SLC44A2: variants seen among roughly 807,000 people sequenced by gnomAD.
SLC44A2 encodes the protein solute carrier family 44 member 2 (CTL2 blood group).
A neutral mutation model predicts 90.8 loss-of-function variants in SLC44A2; 57 were observed. That is an observed-to-expected ratio of 0.63 (90% CI 0.51 to 0.78). The LOEUF (loss-of-function observed/expected upper bound fraction) is 0.78, where lower values mean the gene tolerates loss of function less well. SLC44A2 is among the 30% of genes least tolerant of loss of function. SLC44A2 has a pLI of 0.00. For synonymous variants in SLC44A2, 355 were observed against 360.7 expected, an observed-to-expected ratio of 0.98 and a Z score of 0.18; for missense variants, 794 against 919.7, an observed-to-expected ratio of 0.86 and a Z score of 1.77.
chr19:10,643,009 C>T (rs779654596), intron 21 of SLC44A2: 72 of 1,558,450 alleles, frequency 4.6e-5, no homozygotes, highest in South Asian at 9.3e-5. Flanking sequence ...GGGCAGAAGC[C>T]GAGGAGTAGA....
intron 1 of SLC44A2, among the ~76,000 whole-genome samples, chr19:10,606,117 G>A (rs1435548573): frequency 2.0e-5 from 3 of 151,966 alleles, no homozygotes; most frequent in Non-Finnish European, 2.9e-5. Context: ...GGGCAATATA[G>A]TGAGACCCTG....
At chr19:10,611,202 A>G (rs1271982715) in intron 1 of SLC44A2, among the ~76,000 whole-genome samples, 1 of 151,930 alleles carries the variant, frequency 6.6e-6, no homozygotes, top group Non-Finnish European at 1.5e-5. Context: ...CTGTAATCCC[A>G]GCACTTTGTG....
At chr19:10,637,041 C>T (rs1303398658) in intron 16 of SLC44A2, 4 of 396,626 alleles carry the variant, frequency 1.0e-5, no homozygotes, top group Admixed American at 8.2e-5. Context: ...TATATATTTG[C>T]GCTGAAGAGA....
In SLC44A2 at chr19:10,635,457, T is replaced by C. The variant is rs753221090; in HGVS notation, c.1175T>C (p.Val392Ala). 1 of 1,614,006 alleles carries C rather than the reference T, an allele frequency of 6.2e-7. No individual in the cohort carries two copies. The highest frequency in any genetic ancestry group is 1.7e-5 in the Admixed American group (1 of 59,968). ...AVFLSTSNEAVYKIFDDSPCP... is the reference protein window; with the variant it reads ...AVFLSTSNEAAYKIFDDSPCP... ...TTCCTGTCCACTTCCAACGAAGCGG[T>C]CTATAAGATCTTTGATGACAGCCCC... The change falls in exon 14 of 22, where the codon GTC becomes GCC. Residue 392 changes from valine (V) to alanine (A), a missense_variant. By Grantham distance (64) the Val-to-Ala change is moderately conservative. Around this residue, in one of 3 missense-constraint regions of SLC44A2, gnomAD observed 738 missense variants for 841.1 expected, o/e 0.88. Transcript: ENST00000335757.
chr19:10,615,909 GATCCC>G (rs1481904008), intron 1 of SLC44A2, among the ~76,000 whole-genome samples: 1 of 151,828 alleles, frequency 6.6e-6, no homozygotes, highest in East Asian at 1.9e-4. Context: ...TCACACCTGT[GATCCC>G]AGCACTTTGG....
chr19:10,619,094 C>G (rs917237795), intron 1 of SLC44A2, among the ~76,000 whole-genome samples: 5 of 151,180 alleles, frequency 3.3e-5, no homozygotes, highest in Non-Finnish European at 5.9e-5. Context: ...CCCTAGGCTT[C>G]CCCAGTAGCT....
intron 1 of SLC44A2, among the ~76,000 whole-genome samples, chr19:10,611,010 T>G (rs1918286297): frequency 6.6e-6 from 1 of 151,966 alleles, no homozygotes; most frequent in Admixed American, 6.6e-5. Flanking sequence ...TATTTTTAAT[T>G]TAAAAAAAAA....
At position 10,638,802 on chromosome 19, in the gene SLC44A2, CT is replaced by C. The variant is rs769937779; in HGVS notation, c.1929+501del. ...GGCACCTGCCACCACACCTGGCTAA[CT>C]TTTTTTTTTTTTTGAGATGGAGTTT... On this transcript the variant is annotated intron_variant, in intron 20 of 21. Transcript: ENST00000335757. 2.6e-3 allele frequency among the ~76,000 whole-genome samples: 351 copies of C among 136,444 alleles called. 2 individuals carry two copies. Among genetic ancestry groups the C allele is most frequent in the Middle Eastern group, 4.3e-3 (1 of 232 alleles). The allele number at this position is 136,444 out of a possible 152,430, so 89.5% of individuals were successfully genotyped here. A position where few individuals can be genotyped will look rare whatever the true frequency, so the allele number is the denominator to read the frequency against.
intron 21 of SLC44A2, among the ~76,000 whole-genome samples, chr19:10,642,696 G>A (rs571760950): frequency 1.7e-4 from 26 of 152,244 alleles, no homozygotes; most frequent in African/African-American, 5.3e-4. Context: ...CCCGCGCTTC[G>A]CAGTTTCTGG....
chr19:10,607,192 C>T (rs1392943333), intron 1 of SLC44A2, among the ~76,000 whole-genome samples: 1 of 152,012 alleles, frequency 6.6e-6, no homozygotes, highest in Non-Finnish European at 1.5e-5. Context: ...AGATTACAGG[C>T]GTGAGCCACC....
In SLC44A2 at chr19:10,627,743, C is replaced by T. The variant is rs1295004264; in HGVS notation, c.108C>T (p.Cys36=). ...IYNRGCTDII[C]CVFLLLAIVG... ...CCAGGGGCTGCACGGATATCATATG[C>T]TGTGTGTTCCTGCTCCTGGCCATTG... Residue 36 remains cysteine, a synonymous_variant, in exon 3 of 22, where the codon TGC becomes TGT. Coordinates refer to ENST00000335757, the MANE Select transcript of SLC44A2 (RefSeq NM_020428.4). The T allele has an allele frequency of 3.1e-6, 5 of 1,613,670 alleles. No homozygotes were observed. The highest frequency in any genetic ancestry group is 4.2e-6 in the Non-Finnish European group (5 of 1,179,980).
chr19:10,607,746 TATTA>T (rs1265114990), intron 1 of SLC44A2, among the ~76,000 whole-genome samples: 2 of 131,314 alleles, frequency 1.5e-5, no homozygotes, highest in Admixed American at 7.7e-5. Flanking sequence ...TTATTATTAT[TATTA>T]TTTTTTTTTT....
chr19:10,642,212 G>T (rs2067123864), intron 20 of SLC44A2, 155 bp from the exon 21 acceptor site: 2 of 630,196 alleles, frequency 3.2e-6, no homozygotes, highest in Admixed American at 2.5e-5. Context: ...GGATGGTGGG[G>T]CCCTGCCAGC....
At chr19:10,604,553 C>T (rs1403875290) in intron 1 of SLC44A2, among the ~76,000 whole-genome samples, 2 of 152,132 alleles carry the variant, frequency 1.3e-5, no homozygotes, top group African/African-American at 4.8e-5. Context: ...CCCTCCTGCC[C>T]CAGTGGCTTC....
intron 1 of SLC44A2, among the ~76,000 whole-genome samples, chr19:10,609,331 G>C (rs747381469): frequency 6.6e-6 from 1 of 151,150 alleles, no homozygotes; most frequent in Non-Finnish European, 1.5e-5. Context: ...ACAGAATCTT[G>C]CTCTGTCGCC....
chr19:10,632,453 T>C (rs900515382), intron 10 of SLC44A2, among the ~76,000 whole-genome samples: 2 of 150,592 alleles, frequency 1.3e-5, no homozygotes, highest in South Asian at 2.1e-4. Context: ...GGAGAATCGC[T>C]TGAACCTGGG....
rs563430171 is a variant in SLC44A2, at chr19:10,629,973, T to C, written c.246-1084T>C. Among the ~76,000 whole-genome samples the C allele has an allele frequency of 3.4e-3, 515 of 152,216 alleles. 1 individual carries two copies. Among genetic ancestry groups the C allele is most frequent in the Non-Finnish European group, 5.3e-3 (358 of 68,010 alleles). On this transcript the variant is annotated intron_variant, in intron 4 of 21. Coordinates refer to ENST00000335757, the MANE Select transcript of SLC44A2 (RefSeq NM_020428.4). ...TTTCGCCACGTTGGCCAGGCTGGTC[T>C]CGAACTCCTGACCTCAGGTGATCCG... is the stretch of plus-strand genomic sequence containing the variant.
At chr19:10,641,167 C>G in intron 20 of SLC44A2, 1 of 363,124 alleles carries the variant, frequency 2.8e-6, no homozygotes, top group Non-Finnish European at 5.4e-6. Context: ...CCGAGGCAGG[C>G]AGATCGCTTG....
chr19:10,634,409 A>G (rs1599253020), intron 10 of SLC44A2, among the ~76,000 whole-genome samples: 1 of 150,630 alleles, frequency 6.6e-6, no homozygotes, highest in Non-Finnish European at 1.5e-5. Context: ...GGTTGCGGTG[A>G]GCCGAGATTG....
Sources: allele counts gnomAD v4.1 joint callset (sites outside exome capture counted in the v4.1 genomes callset), GRCh38; gene constraint gnomAD v4.1.1; regional missense constraint gnomAD v4.1.1; transcripts MANE v1.5; gene names NCBI Gene and HGNC (gene_info 2026-07-23, HGNC 2026-07-21).